The following A2ML1 variants were observed in gnomAD, a reference collection of about 807,000 sequenced individuals.
A2ML1 encodes the protein alpha-2-macroglobulin like 1, also known as alpha-2-macroglobulin-like protein 1.
In A2ML1, 161 loss-of-function variants were observed where a neutral mutation model predicts 181.9. That is an observed-to-expected ratio of 0.89 (90% CI 0.78 to 1.01). The LOEUF is 1.01. Ranked by LOEUF, A2ML1 falls within the 50% of genes least tolerant of loss-of-function variation. A2ML1 has a pLI of 0.00. For synonymous variants in A2ML1, 663 were observed against 666.8 expected, an observed-to-expected ratio of 0.99 and a Z score of 0.09; for missense variants, 1,670 against 1,768.1, an observed-to-expected ratio of 0.94 and a Z score of 1.00.
intron 28 of A2ML1, among the ~76,000 whole-genome samples, chr12:8,861,709 G>C (rs981998051): frequency 1.3e-5 from 2 of 151,362 alleles, no homozygotes; most frequent in African/African-American, 4.9e-5. Context: ...GGATGGTCTC[G>C]ATCTCCTGAC....
At chr12:8,883,982 C>T (rs766031731) in intron 7 of A2ML1, among the ~76,000 whole-genome samples, 5 of 152,078 alleles carry the variant, frequency 3.3e-5, no homozygotes, top group African/African-American at 7.2e-5. Context: ...GGCAGGGTTT[C>T]GCCATGTTAA....
chr12:8,884,240 T>G (rs764622779), intron 7 of A2ML1, among the ~76,000 whole-genome samples: 1 of 139,006 alleles, frequency 7.2e-6, no homozygotes, highest in African/African-American at 2.8e-5. Context: ...TGTTTTTTTT[T>G]GTTTTGTTTT....
chr12:8,855,404 G>A, intron 22 of A2ML1, 105 bp from the exon 23 acceptor site: 1 of 1,000,612 alleles, frequency 1.0e-6, no homozygotes. Flanking sequence ...AAAGCACCGA[G>A]TACAGAAATC....
Position 8,864,018 on chromosome 12 carries a change from C to T in A2ML1, c.3717+10C>T. ...CTTCTCTTCTACTCAGGTAAACAGC[C>T]TGTTCTCCCACTGCCACTTATCAGG... On this transcript the variant is annotated intron_variant, in intron 29 of 35. Transcript: ENST00000299698. 1 of 1,608,136 alleles carries T rather than the reference C, an allele frequency of 6.2e-7. No individual in the cohort carries two copies. Among genetic ancestry groups the T allele is most frequent in the Non-Finnish European group, 8.5e-7 (1 of 1,176,794 alleles).
At chr12:8,847,847 A>C in intron 15 of A2ML1, 149 bp downstream of exon 15, 3 of 1,134,018 alleles carry the variant, frequency 2.6e-6, no homozygotes, top group Non-Finnish European at 2.4e-6. Flanking sequence ...TGAAGTTAGA[A>C]AGTGTAAGAG....
intron 3 of A2ML1, among the ~76,000 whole-genome samples, 178 bp from the exon 4 acceptor site, chr12:8,829,549 G>A (rs1053252082): frequency 7.2e-5 from 11 of 151,972 alleles, no homozygotes; most frequent in African/African-American, 1.4e-4. Context: ...CAGCTACTCC[G>A]GAGGCTGGGG....
rs1238803928 is a variant in A2ML1, at chr12:8,855,433, C to G, written c.2765-76C>G. The G allele has an allele frequency of 3.0e-6, 4 of 1,349,494 alleles. No individual in the cohort carries two copies. In the African/African-American group the frequency reaches 5.8e-5, roughly 19 times the overall value. 83.6% of individuals were successfully genotyped at this position (1,349,494 alleles called of 1,614,324 possible). On this transcript the variant is annotated intron_variant, in intron 22 of 35. Coordinates refer to ENST00000299698, the MANE Select transcript of A2ML1 (RefSeq NM_144670.6). ...AGAAATCCCTGGATTATAGAAAGTT[C>G]TTCTAAAATTTTGTCTTGAGAACCC... is the stretch of plus-strand genomic sequence containing the variant.
intron 3 of A2ML1, among the ~76,000 whole-genome samples, chr12:8,824,484 T>C (rs1942863483): frequency 6.6e-6 from 1 of 152,138 alleles, no homozygotes; most frequent in Admixed American, 6.5e-5. Context: ...TATCATTTCC[T>C]TGTATTACAA....
At chr12:8,858,128 GCCAA>G in intron 26 of A2ML1, 26 bp downstream of exon 26, 1 of 1,606,524 alleles carries the variant, frequency 6.2e-7, no homozygotes, top group Non-Finnish European at 8.5e-7. Context: ...GGAGCCTGCA[GCCAA>G]CCACTGTCTC....
chr12:8,868,183 T>C, intron 30 of A2ML1, 47 bp from the exon 31 acceptor site: 1 of 1,612,352 alleles, frequency 6.2e-7, no homozygotes, highest in Non-Finnish European at 8.5e-7. Context: ...GTACAATCTT[T>C]AAAGTTCTTT....
intron 3 of A2ML1, among the ~76,000 whole-genome samples, chr12:8,825,042 G>T (rs1942884525): frequency 6.6e-6 from 1 of 152,136 alleles, no homozygotes; most frequent in African/African-American, 2.4e-5. Context: ...TGTGAATACT[G>T]ATGCCATAAA....
chr12:8,836,130 C>A, intron 6 of A2ML1, 125 bp from the exon 7 acceptor site: 1 of 717,288 alleles, frequency 1.4e-6, no homozygotes, highest in Non-Finnish European at 2.4e-6. Flanking sequence ...AACATGCTAC[C>A]TAAATAATGC....
At chr12:8,837,370 G>T (rs895000708) in intron 7 of A2ML1, 70 bp from the exon 8 acceptor site, 7 of 1,588,036 alleles carry the variant, frequency 4.4e-6, no homozygotes, top group Admixed American at 1.7e-5. Flanking sequence ...GGAAGAAGTG[G>T]TGTTTGAGGG....
chr12:8,846,538 G>A (rs778296513), intron 14 of A2ML1, among the ~76,000 whole-genome samples: 1 of 152,048 alleles, frequency 6.6e-6, no homozygotes, highest in Non-Finnish European at 1.5e-5. Context: ...GATCCTGTCT[G>A]TACAAAAAAA....
rs746717919 is a variant in A2ML1 at position 8,838,484 on chromosome 12, GAGAA to G, written c.970+40_970+43del. ...GGTGCTCCTTGGCTCATTAAGAAAAGAGAAAGAAAAAGGGCTGGTCCCAGGGACA... is the reference window on the plus strand; with the variant it reads ...GGTGCTCCTTGGCTCATTAAGAAAAGAGAAAAAGGGCTGGTCCCAGGGACA... On this transcript the variant is annotated intron_variant, in intron 9 of 35. Transcript: ENST00000299698. 7 of 1,560,490 alleles carry G rather than the reference GAGAA, an allele frequency of 4.5e-6. No individual in the cohort carries two copies. The African/African-American group carries it at 8.2e-5, about 18-fold the overall frequency.
intron 32 of A2ML1, 150 bp downstream of exon 32, chr12:8,868,777 T>A: frequency 4.7e-6 from 3 of 642,232 alleles, no homozygotes; most frequent in Non-Finnish European, 8.0e-6. Flanking sequence ...TATATGTATG[T>A]ACACTTGTAA....
At chr12:8,867,579 G>A (rs532070392) in intron 29 of A2ML1, among the ~76,000 whole-genome samples, 19 of 152,140 alleles carry the variant, frequency 1.2e-4, no homozygotes, top group East Asian at 1.9e-4. Context: ...CCCAGGAAGC[G>A]GAGGTTGCAA....
At position 8,837,300 on chromosome 12, in the gene A2ML1, G is replaced by C. The variant is rs768986436; in HGVS notation, c.729-140G>C. On this transcript the variant is annotated intron_variant, in intron 7 of 35. Transcript: ENST00000299698. ...CTCCCAAAGTGCTGGGATTACAGGC[G>C]TGAGCCACTGCACTGGCCCAGATTG... is the stretch of plus-strand genomic sequence containing the variant. 4.3e-5 allele frequency: 48 copies of C among 1,121,660 alleles called. No individual in the cohort carries two copies. The South Asian group carries it at 5.9e-4, about 14-fold the overall frequency. The allele number at this position is 1,121,660 out of a possible 1,614,324, so 69.5% of individuals were successfully genotyped here.
rs747463636 is a variant in A2ML1, at chr12:8,852,530, G to A, written c.2590+194G>A. Among the ~76,000 whole-genome samples, 12 of 152,252 alleles carry A rather than the reference G, an allele frequency of 7.9e-5. No individual in the cohort carries two copies. The highest frequency in any genetic ancestry group is 3.3e-4 in the Admixed American group (5 of 15,286). The stretch of plus-strand genomic sequence containing the variant: ...GTGACCAAACAAATTTGTTCAAACC[G>A]GAATATTTTGAGTGTGAAAGGGAGA... On this transcript the variant is annotated intron_variant, in intron 20 of 35. Coordinates refer to ENST00000299698, the MANE Select transcript of A2ML1 (RefSeq NM_144670.6). This position sits in a 1 kb window ranked among gnomAD's most constrained non-coding sequence, Gnocchi z 4.2.
Sources: gnomAD v4.1 joint callset for allele counts (sites outside exome capture counted in the v4.1 genomes callset) on GRCh38, gnomAD v4.1.1 for gene constraint, Gnocchi (gnomAD v3.1) non-coding constraint, MANE v1.5 for transcripts, NCBI Gene and HGNC (gene_info 2026-07-23, HGNC 2026-07-21) for gene names.